RAB28: variants seen among roughly 807,000 people sequenced by gnomAD.
RAB28 encodes RAB28, member RAS oncogene family.
RAB28 carries 24 observed loss-of-function variants against 31.7 expected under a neutral mutation model. The observed-to-expected ratio is 0.76, with a 90% CI of 0.55 to 1.06. The LOEUF is 1.06. RAB28 is among the 50% of genes least tolerant of loss of function. RAB28 has a pLI of 0.00. For missense variants in RAB28, 254 were observed against 258.5 expected, an observed-to-expected ratio of 0.98 and a Z score of 0.12; for synonymous variants, 100 against 90.4, an observed-to-expected ratio of 1.11 and a Z score of -0.60.
chr4:13,369,488 G>C (rs1224516722), intron 6 of RAB28, among the ~76,000 whole-genome samples: 1 of 151,960 alleles, frequency 6.6e-6, no homozygotes, highest in African/African-American at 2.4e-5. Context: ...CACACAAGCA[G>C]ACAAAGAAGG....
chr4:13,454,864 G>A (rs962290455), intron 4 of RAB28, among the ~76,000 whole-genome samples: 1 of 152,222 alleles, frequency 6.6e-6, no homozygotes, highest in African/African-American at 2.4e-5. Context: ...CAGCTTCTCA[G>A]CTGGCCTGGG....
At chr4:13,380,463 T>G (rs145808023) in intron 5 of RAB28, among the ~76,000 whole-genome samples, 1 of 151,534 alleles carries the variant, frequency 6.6e-6, no homozygotes, top group African/African-American at 2.4e-5. Flanking sequence ...CTAAATACAA[T>G]AGAAAGTTAT....
intron 6 of RAB28, chr4:13,370,055 A>C: frequency 6.6e-7 from 1 of 1,507,414 alleles, no homozygotes; most frequent in South Asian, 1.3e-5. Context: ...GACTGAATAT[A>C]GAAGGAAACA....
chr4:13,484,139 A>G lies in RAB28; in HGVS notation c.12T>C (p.Ser4=). MSD[S]EEESQDRQLK... is the part of the protein sequence containing the mutation. ...GTTGCCGGTCCTGGCTCTCCTCCTCAGAGTCCGACATGGTGTCCCGGGAAC... is the reference window on the plus strand; with the variant it reads ...GTTGCCGGTCCTGGCTCTCCTCCTCGGAGTCCGACATGGTGTCCCGGGAAC... Residue 4 remains serine (S), a synonymous_variant, in exon 1 of 7, where the codon TCT becomes TCC. Transcript: ENST00000330852. The G allele has an allele frequency of 6.3e-7, 1 of 1,589,894 alleles. No homozygotes were observed. Among genetic ancestry groups the G allele is most frequent in the South Asian group, 1.1e-5 (1 of 87,718 alleles).
intron 2 of RAB28, among the ~76,000 whole-genome samples, chr4:13,477,753 T>C (rs1185548168): frequency 6.6e-6 from 1 of 151,430 alleles, no homozygotes; most frequent in East Asian, 1.9e-4. Context: ...AATGTCATTT[T>C]TTAACCTAAT....
chr4:13,424,756 C>G (rs1307722788), intron 4 of RAB28, among the ~76,000 whole-genome samples: 4 of 152,106 alleles, frequency 2.6e-5, no homozygotes, highest in Non-Finnish European at 4.4e-5. Flanking sequence ...GAAGTTAAAC[C>G]CTCTTTTTGT....
chr4:13,370,615 G>C (rs1728680406), intron 6 of RAB28: 1 of 983,144 alleles, frequency 1.0e-6, no homozygotes, highest in Non-Finnish European at 1.2e-6. Context: ...AGACATCAGA[G>C]GAAGGCATAT....
At chr4:13,451,423 T>C (rs1258708014) in intron 4 of RAB28, among the ~76,000 whole-genome samples, 1 of 151,042 alleles carries the variant, frequency 6.6e-6, no homozygotes, top group Non-Finnish European at 1.5e-5. Flanking sequence ...TTTTTGTCTT[T>C]TGTTTTGGTT....
At chr4:13,412,367 G>C (rs999290781) in intron 4 of RAB28, among the ~76,000 whole-genome samples, 1 of 152,148 alleles carries the variant, frequency 6.6e-6, no homozygotes, top group African/African-American at 2.4e-5. Context: ...GGTGGGAGGA[G>C]AAGTGGGGAT....
At chr4:13,382,491 T>G (rs897269649) in intron 4 of RAB28, among the ~76,000 whole-genome samples, 1 of 151,950 alleles carries the variant, frequency 6.6e-6, no homozygotes, top group South Asian at 2.1e-4. Flanking sequence ...ACTTGTAAAT[T>G]TGCAAATCTA....
chr4:13,479,090 T>C (rs191753551), intron 2 of RAB28, among the ~76,000 whole-genome samples: 73 of 151,830 alleles, frequency 4.8e-4, no homozygotes, highest in Non-Finnish European at 7.7e-4. Context: ...TTCCCAATCT[T>C]TTCACATTTT....
In RAB28 at chr4:13,438,046, A is replaced by C. The variant is rs986515910; in HGVS notation, c.391+22653T>G. ...AGAATAAAGTCTTGTCATTTGCAGC[A>C]ACATTGATGCATCTGGAGGCCATTA... is the stretch of plus-strand genomic sequence containing the variant. On this transcript the variant is annotated intron_variant, in intron 4 of 6. Transcript: ENST00000330852. 5.9e-5 allele frequency among the ~76,000 whole-genome samples: 9 copies of C among 152,294 alleles called. No individual in the cohort carries two copies. The East Asian group carries it at 1.7e-3, about 29-fold the overall frequency.
chr4:13,475,153 C>T (rs1379873808), intron 2 of RAB28, among the ~76,000 whole-genome samples: 2 of 151,594 alleles, frequency 1.3e-5, no homozygotes, highest in Non-Finnish European at 3.0e-5. Flanking sequence ...CTTCCCCATA[C>T]AAGCATTGTA....
intron 4 of RAB28, among the ~76,000 whole-genome samples, chr4:13,443,648 C>A (rs1018723969): frequency 6.6e-6 from 1 of 152,162 alleles, no homozygotes; most frequent in Non-Finnish European, 1.5e-5. Context: ...CTAATTAACA[C>A]ACCCATAACC....
At chr4:13,370,119 A>G (rs1577143907) in intron 6 of RAB28, 1 of 977,746 alleles carries the variant, frequency 1.0e-6, no homozygotes, top group Non-Finnish European at 1.2e-6. Flanking sequence ...TCACACACAC[A>G]CGCACACACA....
At chr4:13,413,074 G>A (rs1712536311) in intron 4 of RAB28, among the ~76,000 whole-genome samples, 1 of 151,960 alleles carries the variant, frequency 6.6e-6, no homozygotes, top group Admixed American at 6.5e-5. Context: ...GATAACTGGT[G>A]TCCCCGAAAA....
At chr4:13,404,067 T>A (rs1302033905) in intron 4 of RAB28, among the ~76,000 whole-genome samples, 2 of 151,926 alleles carry the variant, frequency 1.3e-5, no homozygotes, top group Non-Finnish European at 2.9e-5. Context: ...TTCAAGAAAA[T>A]GATTTCTCTA....
chr4:13,459,936 C>T (rs1175023455), intron 4 of RAB28: 3 of 1,282,030 alleles, frequency 2.3e-6, no homozygotes, highest in Non-Finnish European at 3.1e-6. Flanking sequence ...CCACAGGAAG[C>T]CAAAACACAC....
chr4:13,450,565 ATTAG>A (rs1057353161), intron 4 of RAB28, among the ~76,000 whole-genome samples: 1 of 151,940 alleles, frequency 6.6e-6, no homozygotes, highest in Non-Finnish European at 1.5e-5. Context: ...TTCATTTGGT[ATTAG>A]TTAAAGCACT....
Sources: allele counts gnomAD v4.1 joint callset (sites outside exome capture counted in the v4.1 genomes callset), GRCh38; gene constraint gnomAD v4.1.1; transcripts MANE v1.5; gene names NCBI Gene and HGNC (gene_info 2026-07-23, HGNC 2026-07-21).